HS3ST4: variants seen among roughly 807,000 people sequenced by gnomAD.
HS3ST4 encodes heparan sulfate glucosamine 3-O-sulfotransferase 4.
A neutral mutation model predicts 29.2 loss-of-function variants in HS3ST4; 17 were observed. That is an observed-to-expected ratio of 0.58 (90% CI 0.40 to 0.87). The LOEUF is 0.87. Among genes scored for constraint, HS3ST4 ranks in the 40% least tolerant of loss-of-function variants. The pLI is 0.00. For synonymous variants in HS3ST4, 314 were observed against 285.7 expected, an observed-to-expected ratio of 1.10 and a Z score of -1.00; for missense variants, 627 against 634.5, an observed-to-expected ratio of 0.99 and a Z score of 0.13.
chr16:25,734,285 T>G (rs944273486), intron 1 of HS3ST4, among the ~76,000 whole-genome samples: 2 of 152,208 alleles, frequency 1.3e-5, no homozygotes, highest in Admixed American at 6.5e-5. Flanking sequence ...CTCTTTACAT[T>G]GCCACAAGTA....
intron 1 of HS3ST4, among the ~76,000 whole-genome samples, chr16:26,035,578 T>C (rs1969575206): frequency 2.0e-5 from 3 of 152,216 alleles, no homozygotes; most frequent in Admixed American, 6.5e-5. Context: ...CTCCCATATA[T>C]AATTAACCAC....
chr16:25,920,027 T>C (rs1596614230), intron 1 of HS3ST4, among the ~76,000 whole-genome samples: 2 of 151,984 alleles, frequency 1.3e-5, no homozygotes, highest in Admixed American at 6.5e-5. Context: ...CTGAGTCTTT[T>C]GCTTCATATG....
At chr16:25,733,129 T>C (rs1202384643) in intron 1 of HS3ST4, among the ~76,000 whole-genome samples, 2 of 152,184 alleles carry the variant, frequency 1.3e-5, no homozygotes, top group Non-Finnish European at 2.9e-5. Flanking sequence ...TGCAGAGAAA[T>C]GCAGACATGG....
chr16:26,079,227 C>T (rs558741179), intron 1 of HS3ST4, among the ~76,000 whole-genome samples: 3 of 152,284 alleles, frequency 2.0e-5, no homozygotes, highest in South Asian at 2.1e-4. Context: ...GCACGATAAA[C>T]GACAGCTGTG....
At chr16:25,976,999 C>T (rs1968951279) in intron 1 of HS3ST4, among the ~76,000 whole-genome samples, 1 of 152,152 alleles carries the variant, frequency 6.6e-6, no homozygotes, top group South Asian at 2.1e-4. Context: ...CCTGAGTCCA[C>T]AGGTAGGATT....
intron 1 of HS3ST4, among the ~76,000 whole-genome samples, chr16:25,817,629 A>C (rs778863844): frequency 6.6e-6 from 1 of 152,196 alleles, no homozygotes; most frequent in Non-Finnish European, 1.5e-5. Flanking sequence ...TAAAAGCCTG[A>C]GTGATGTTTC....
Position 26,022,589 on chromosome 16 carries a change from TA to T in HS3ST4, c.735-113022del, listed in dbSNP as rs529422173. On this transcript the variant is annotated intron_variant, in intron 1 of 1. Transcript: ENST00000331351. ...GGAAATGGAGGAGTGTGTCTGTATT[TA>T]CAGGCTGTACAGACAGGCAGCAGGT... is the stretch of plus-strand genomic sequence containing the variant. Among the ~76,000 whole-genome samples, 464 of 152,242 alleles carry T rather than the reference TA, an allele frequency of 3.0e-3. 3 individuals are homozygous for T. Among genetic ancestry groups the T allele is most frequent in the African/African-American group, 0.01 (434 of 41,544 alleles).
chr16:25,767,801 C>T (rs1966830413), intron 1 of HS3ST4, among the ~76,000 whole-genome samples: 1 of 152,132 alleles, frequency 6.6e-6, no homozygotes, highest in African/African-American at 2.4e-5. Context: ...AGGCAAAGTC[C>T]CATACTCAGG....
At chr16:25,733,856 C>A (rs1025782697) in intron 1 of HS3ST4, among the ~76,000 whole-genome samples, 1 of 152,134 alleles carries the variant, frequency 6.6e-6, no homozygotes, top group Non-Finnish European at 1.5e-5. Context: ...CAGTGGCTCA[C>A]GCCTGTAATC....
At chr16:25,768,811 G>C (rs1334541778) in intron 1 of HS3ST4, among the ~76,000 whole-genome samples, 2 of 152,050 alleles carry the variant, frequency 1.3e-5, no homozygotes, top group Non-Finnish European at 2.9e-5. Context: ...TTAAAATTGG[G>C]AGATGTCATA....
intron 1 of HS3ST4, among the ~76,000 whole-genome samples, chr16:25,976,706 G>A (rs533666298): frequency 6.6e-6 from 1 of 152,254 alleles, no homozygotes; most frequent in African/African-American, 2.4e-5. Context: ...AAATGAGTCT[G>A]GGAACAGTAC....
At chr16:26,100,131 C>T (rs867395795) in intron 1 of HS3ST4, among the ~76,000 whole-genome samples, 6 of 151,868 alleles carry the variant, frequency 4.0e-5, no homozygotes, top group African/African-American at 7.3e-5. Flanking sequence ...AGTAGGGACT[C>T]GAAAAGGAGG....
At chr16:25,754,718 A>G (rs1206827360) in intron 1 of HS3ST4, among the ~76,000 whole-genome samples, 1 of 152,124 alleles carries the variant, frequency 6.6e-6, no homozygotes, top group East Asian at 1.9e-4. Context: ...TATCACGATC[A>G]CAAGAACAGG....
intron 1 of HS3ST4, chr16:25,824,925 C>T (rs1296709323): frequency 2.0e-5 from 3 of 152,182 alleles, no homozygotes; most frequent in African/African-American, 7.2e-5. Context: ...GAAGTCCTAA[C>T]ACCCAGAACC....
chr16:25,807,170 C>T (rs376218470), intron 1 of HS3ST4, among the ~76,000 whole-genome samples: 31 of 152,204 alleles, frequency 2.0e-4, no homozygotes, highest in African/African-American at 4.1e-4. Context: ...GACGGAGTTT[C>T]GCCATGTTGA....
intron 1 of HS3ST4, among the ~76,000 whole-genome samples, chr16:25,969,047 C>G (rs1259317857): frequency 2.0e-5 from 3 of 152,154 alleles, no homozygotes; most frequent in Non-Finnish European, 2.9e-5. Flanking sequence ...TCTCAAACTC[C>G]TAACCTCTGG....
At chr16:25,779,928 T>C (rs1399325580) in intron 1 of HS3ST4, among the ~76,000 whole-genome samples, 1 of 152,212 alleles carries the variant, frequency 6.6e-6, no homozygotes, top group Non-Finnish European at 1.5e-5. Flanking sequence ...GCACTGGCAT[T>C]GTCAAAGGAG....
At chr16:25,819,435 A>G (rs1241479817) in intron 1 of HS3ST4, among the ~76,000 whole-genome samples, 2 of 152,162 alleles carry the variant, frequency 1.3e-5, no homozygotes, top group Non-Finnish European at 2.9e-5. Flanking sequence ...AAATGCACTC[A>G]GAGATCACAG....
chr16:25,763,297 T>G lies in HS3ST4; in HGVS notation c.734+70146T>G, dbSNP rs1310904582. Among the ~76,000 whole-genome samples, 3 of 152,294 alleles carry G rather than the reference T, an allele frequency of 2.0e-5. No individual in the cohort carries two copies. The East Asian group carries it at 5.8e-4, about 29-fold the overall frequency. Reference sequence around the variant, plus strand: ...ATGGCTGTTTTGTTTTCTCCTCAGCTGCATCTCCAGGATGGAAAACAGCCC... The same window carrying G: ...ATGGCTGTTTTGTTTTCTCCTCAGCGGCATCTCCAGGATGGAAAACAGCCC... On this transcript the variant is annotated intron_variant, in intron 1 of 1. Coordinates refer to ENST00000331351, the MANE Select transcript of HS3ST4 (RefSeq NM_006040.3).
Sources: allele counts gnomAD v4.1 joint callset (sites outside exome capture counted in the v4.1 genomes callset), GRCh38; gene constraint gnomAD v4.1.1; transcripts MANE v1.5; gene names NCBI Gene and HGNC (gene_info 2026-07-23, HGNC 2026-07-21).